MSGN1: variants seen among roughly 807,000 people sequenced by gnomAD.
MSGN1 encodes mesogenin 1.
In MSGN1, 3 loss-of-function variants were observed where a neutral mutation model predicts 10.1. The ratio of observed to expected loss-of-function variants is 0.30; its 90% CI spans 0.13 to 0.76. The LOEUF is 0.76. Ranked by LOEUF, MSGN1 falls within the 30% of genes least tolerant of loss-of-function variation. MSGN1 has a pLI of 0.67. For synonymous variants in MSGN1, 110 were observed against 103.8 expected, an observed-to-expected ratio of 1.06 and a Z score of -0.37; for missense variants, 244 against 244.5, an observed-to-expected ratio of 1.00 and a Z score of 0.01.
Position 17,816,492 on chromosome 2 carries a change from CA to C in MSGN1, c.-26del. On this transcript the variant is annotated 5_prime_UTR_variant, in exon 1 of 1. Transcript: ENST00000281047. Reference sequence around the variant, plus strand: ...TTTTCTTTCTCACTTGCCAGGGAGCCATTCCTTCTGCAGCTGTCTCGCAGGC... The same window carrying C: ...TTTTCTTTCTCACTTGCCAGGGAGCCTTCCTTCTGCAGCTGTCTCGCAGGC... 1 of 1,528,172 alleles carries C rather than the reference CA, an allele frequency of 6.5e-7. No individual in the cohort carries two copies. Among genetic ancestry groups the C allele is most frequent in the Non-Finnish European group, 8.8e-7 (1 of 1,135,618 alleles). 94.7% of individuals were successfully genotyped at this position (1,528,172 alleles called of 1,614,324 possible). A position where few individuals can be genotyped will look rare whatever the true frequency, so the allele number is the denominator to read the frequency against.
At position 17,816,909 on chromosome 2, in the gene MSGN1, G is replaced by C. The variant is rs1673583208; in HGVS notation, c.391G>C (p.Glu131Gln). ...TGTCCAGCGGAGGCGGAAAGCCAGCGAGAGGGAGAAGCTCAGGATGAGGAC... is the reference window on the plus strand; with the variant it reads ...TGTCCAGCGGAGGCGGAAAGCCAGCCAGAGGGAGAAGCTCAGGATGAGGAC... ...MSVQRRRKAS[E>Q]REKLRMRTLA... Residue 131 changes from glutamate to glutamine, a missense_variant, in exon 1 of 1, where the codon GAG becomes CAG. Physicochemically the swap from Glu to Gln is conservative, Grantham distance 29. Coordinates refer to ENST00000281047, the MANE Select transcript of MSGN1 (RefSeq NM_001105569.3). 1 of 1,614,240 alleles carries C rather than the reference G, an allele frequency of 6.2e-7. No homozygotes were observed. Among genetic ancestry groups the C allele is most frequent in the Non-Finnish European group, 8.5e-7 (1 of 1,180,038 alleles).
In MSGN1 at chr2:17,817,663, C is replaced by T. The variant is rs370391020; in HGVS notation, c.*563C>T. Among the ~76,000 whole-genome samples the T allele has an allele frequency of 1.5e-3, 230 of 152,160 alleles. No individual in the cohort carries two copies. Among genetic ancestry groups the T allele is most frequent in the Middle Eastern group, 6.8e-3 (2 of 294 alleles). Reference sequence around the variant, plus strand: ...TGCAGGGACCAAAATCACTTAAATGCGGAAGGCACTGGTGTCATGATAAAT... The same window carrying T: ...TGCAGGGACCAAAATCACTTAAATGTGGAAGGCACTGGTGTCATGATAAAT... On this transcript the variant is annotated 3_prime_UTR_variant, in exon 1 of 1. Coordinates refer to ENST00000281047, the MANE Select transcript of MSGN1 (RefSeq NM_001105569.3).
Position 17,817,016 on chromosome 2 carries a change from G to A in MSGN1, c.498G>A (p.Gln166=). 6.2e-7 allele frequency: 1 copy of A among 1,614,210 alleles called. No homozygotes were observed. The highest frequency in any genetic ancestry group is 8.5e-7 in the Non-Finnish European group (1 of 1,180,042). The change falls in exon 1 of 1, where the codon CAG becomes CAA. Residue 166 remains glutamine, a synonymous_variant. Coordinates refer to ENST00000281047, the MANE Select transcript of MSGN1 (RefSeq NM_001105569.3). ...GAGGCCAGCCTCTCACCAAGATCCA[G>A]ACACTCAAGTACACCATCAAGTACA... ...SQRGQPLTKI[Q]TLKYTIKYIG... is the part of the protein sequence containing the mutation.
Position 17,816,869 on chromosome 2 carries a change from CAA to C in MSGN1, c.353_354del (p.Lys118SerfsTer65). ...GGGPKAQKGT[K>X]VRMSVQRRRK... ...GTGGCCCCAAGGCCCAGAAGGGCAC[CAA>C]AGTCAGGATGTCTGTCCAGCGGAGG... On this transcript the variant is annotated frameshift_variant, in exon 1 of 1. Transcript: ENST00000281047. LOFTEE classifies it high-confidence loss of function. 1 of 1,614,252 alleles carries C rather than the reference CAA, an allele frequency of 6.2e-7. No homozygotes were observed. The highest frequency in any genetic ancestry group is 8.5e-7 in the Non-Finnish European group (1 of 1,180,042).
chr2:17,816,534 G>GT lies in MSGN1; in HGVS notation c.16_17insT (p.Glu6ValfsTer14). The stretch of plus-strand genomic sequence containing the variant: ...TCTCGCAGGCATGGACAACCTGCGC[G>GT]AGACTTTCCTCAGCCTCGAGGATGG... On this transcript the variant is annotated frameshift_variant, in exon 1 of 1. Coordinates refer to ENST00000281047, the MANE Select transcript of MSGN1 (RefSeq NM_001105569.3). LOFTEE classifies it high-confidence loss of function. The GT allele has an allele frequency of 4.4e-6, 7 of 1,590,824 alleles. No homozygotes were observed. Among genetic ancestry groups the GT allele is most frequent in the Admixed American group, 3.5e-5 (2 of 57,186 alleles).
chr2:17,816,842 T>C lies in MSGN1; in HGVS notation c.324T>C (p.Gly108=), dbSNP rs1411473026. ...TCCAGCCCACCCACCTTCAGGGCGG[T>C]GGTGGCCCCAAGGCCCAGAAGGGCA... ...LAFQPTHLQG[G]GGPKAQKGTK... Residue 108 remains glycine (G), a synonymous_variant, in exon 1 of 1, where the codon GGT becomes GGC. Coordinates refer to ENST00000281047, the MANE Select transcript of MSGN1 (RefSeq NM_001105569.3). 6.2e-7 allele frequency: 1 copy of C among 1,614,032 alleles called. No homozygotes were observed. The highest frequency in any genetic ancestry group is 1.3e-5 in the African/African-American group (1 of 74,924).
In MSGN1 at chr2:17,816,539, T is replaced by C; in HGVS notation, c.21T>C (p.Thr7=). Residue 7 remains threonine, a synonymous_variant, in exon 1 of 1, where the codon ACT becomes ACC. Transcript: ENST00000281047. ...CAGGCATGGACAACCTGCGCGAGAC[T>C]TTCCTCAGCCTCGAGGATGGCTTGG... MDNLRE[T]FLSLEDGLGS... 7 of 1,593,468 alleles carry C rather than the reference T, an allele frequency of 4.4e-6. No individual in the cohort carries two copies. The highest frequency in any genetic ancestry group is 6.0e-6 in the Non-Finnish European group (7 of 1,165,920).
chr2:17,816,695 T>C lies in MSGN1; in HGVS notation c.177T>C (p.Ser59=). The C allele has an allele frequency of 6.2e-7, 1 of 1,614,188 alleles. No individual in the cohort carries two copies. Among genetic ancestry groups the C allele is most frequent in the Non-Finnish European group, 8.5e-7 (1 of 1,180,030 alleles). ...CATCGCTGGAATCCTATTCTTCTTC[T>C]CCCTGTCCAGCTGTGGCTGGGCTGC... is the stretch of plus-strand genomic sequence containing the variant. ...PAPSLESYSS[S]PCPAVAGLPC... is the part of the protein sequence containing the mutation. The change falls in exon 1 of 1, where the codon TCT becomes TCC. Residue 59 remains serine (S), a synonymous_variant. Transcript: ENST00000281047.
rs1673589648 is a variant in MSGN1, at chr2:17,817,192, G to A, written c.*92G>A. Reference sequence around the variant, plus strand: ...GATATCTTATTGAACAATGATCGGCGTAGAGTGATTTTTATGTAGTAAGCC... The same window carrying A: ...GATATCTTATTGAACAATGATCGGCATAGAGTGATTTTTATGTAGTAAGCC... On this transcript the variant is annotated 3_prime_UTR_variant, in exon 1 of 1. Coordinates refer to ENST00000281047, the MANE Select transcript of MSGN1 (RefSeq NM_001105569.3). The A allele has an allele frequency of 6.6e-6, 7 of 1,064,382 alleles. No individual in the cohort carries two copies. Among genetic ancestry groups the A allele is most frequent in the African/African-American group, 1.6e-5 (1 of 63,020 alleles). 65.9% of individuals were successfully genotyped at this position (1,064,382 alleles called of 1,614,324 possible).
rs776876631 is a variant in MSGN1, at chr2:17,816,765, A to G, written c.247A>G (p.Ser83Gly). The G allele has an allele frequency of 4.3e-6, 7 of 1,614,060 alleles. No homozygotes were observed. In the Admixed American group the frequency reaches 1.2e-4, roughly 27 times the overall value. ...CAGCAGTGGGGGCAGCGAAGGCTGC[A>G]GTGTCGGTGGGGCCAGTGGCCTGGT... ...GASSGGSEGC[S>G]VGGASGLVEV... Residue 83 changes from serine (S) to glycine (G), a missense_variant, in exon 1 of 1, where the codon AGT (serine) becomes GGT (glycine). By Grantham distance (56) the Ser-to-Gly change is moderately conservative. Transcript: ENST00000281047.
rs1353870497 is a variant in MSGN1, at chr2:17,816,806, T to C, written c.288T>C (p.Asn96=). 1.2e-6 allele frequency: 2 copies of C among 1,614,062 alleles called. No homozygotes were observed. The highest frequency in any genetic ancestry group is 1.7e-6 in the Non-Finnish European group (2 of 1,179,958). Residue 96 remains asparagine, a synonymous_variant, in exon 1 of 1, where the codon AAT becomes AAC. Coordinates refer to ENST00000281047, the MANE Select transcript of MSGN1 (RefSeq NM_001105569.3). ...GASGLVEVDY[N]MLAFQPTHLQ... is the part of the protein sequence containing the mutation. ...GTGGCCTGGTAGAGGTGGACTACAA[T>C]ATGTTAGCTTTCCAGCCCACCCACC...
Position 17,816,978 on chromosome 2 carries a change from G to A in MSGN1, c.460G>A (p.Val154Ile), listed in dbSNP as rs989047719. The A allele has an allele frequency of 6.2e-6, 10 of 1,614,086 alleles. No homozygotes were observed. In the Admixed American group the frequency reaches 1.2e-4, roughly 19 times the overall value. The change falls in exon 1 of 1, where the codon GTC becomes ATC. Residue 154 changes from valine (V) to isoleucine (I), a missense_variant. Val to Ile is a conservative substitution (Grantham distance 29, BLOSUM62 3). Transcript: ENST00000281047. ...CACCCTCCGGAATTACCTGCCACCT[G>A]TCTACAGCCAGAGAGGCCAGCCTCT... ...LHTLRNYLPPVYSQRGQPLTK... is the reference protein window; with the variant it reads ...LHTLRNYLPPIYSQRGQPLTK...
rs1441530996 is a variant in MSGN1 at position 17,816,935 on chromosome 2, C to T, written c.417C>T (p.Thr139=). The T allele has an allele frequency of 3.7e-6, 6 of 1,614,240 alleles. No individual in the cohort carries two copies. The highest frequency in any genetic ancestry group is 1.7e-5 in the Admixed American group (1 of 60,028). ...AGAGGGAGAAGCTCAGGATGAGGAC[C>T]TTGGCAGATGCCCTGCACACCCTCC... The part of the protein sequence containing the change: ...ASEREKLRMR[T]LADALHTLRN... The change falls in exon 1 of 1, where the codon ACC becomes ACT. Residue 139 remains threonine (T), a synonymous_variant. Transcript: ENST00000281047.
chr2:17,817,245 A>T lies in MSGN1; in HGVS notation c.*145A>T. On this transcript the variant is annotated 3_prime_UTR_variant, in exon 1 of 1. Coordinates refer to ENST00000281047, the MANE Select transcript of MSGN1 (RefSeq NM_001105569.3). ...ATAATCTTGTGATCTGAAAAACCCT[A>T]AGGGAATTCACATGTAACCTGTTGG... The T allele has an allele frequency of 1.3e-6, 1 of 751,914 alleles. No individual in the cohort carries two copies. The highest frequency in any genetic ancestry group is 2.1e-6 in the Non-Finnish European group (1 of 465,314). The allele number at this position is 751,914 out of a possible 1,614,324, so 46.6% of individuals were successfully genotyped here.
chr2:17,816,749 G>A lies in MSGN1; in HGVS notation c.231G>A (p.Gly77=). 1 of 1,613,892 alleles carries A rather than the reference G, an allele frequency of 6.2e-7. No homozygotes were observed. The highest frequency in any genetic ancestry group is 8.5e-7 in the Non-Finnish European group (1 of 1,179,840). ...GTGAGCACGGCGGGGCCAGCAGTGG[G>A]GGCAGCGAAGGCTGCAGTGTCGGTG... is the stretch of plus-strand genomic sequence containing the variant. ...LPCEHGGASS[G]GSEGCSVGGA... is the part of the protein sequence containing the mutation. The change falls in exon 1 of 1, where the codon GGG becomes GGA. Residue 77 remains glycine, a synonymous_variant. Transcript: ENST00000281047.
In MSGN1 at chr2:17,816,471, C is replaced by A. The variant is rs751977890; in HGVS notation, c.-48C>A. ...TTCCCTGGCCAGGCGGCAGAATTTTCTTTCTCACTTGCCAGGGAGCCATTC... is the reference window on the plus strand; with the variant it reads ...TTCCCTGGCCAGGCGGCAGAATTTTATTTCTCACTTGCCAGGGAGCCATTC... On this transcript the variant is annotated 5_prime_UTR_variant, in exon 1 of 1. Coordinates refer to ENST00000281047, the MANE Select transcript of MSGN1 (RefSeq NM_001105569.3). 3 of 1,480,728 alleles carry A rather than the reference C, an allele frequency of 2.0e-6. No individual in the cohort carries two copies. Among genetic ancestry groups the A allele is most frequent in the Non-Finnish European group, 2.7e-6 (3 of 1,105,116 alleles). 91.7% of individuals were successfully genotyped at this position (1,480,728 alleles called of 1,614,324 possible).
chr2:17,816,484 C>T lies in MSGN1; in HGVS notation c.-35C>T. 1.3e-6 allele frequency: 2 copies of T among 1,511,910 alleles called. No homozygotes were observed. The highest frequency in any genetic ancestry group is 1.3e-5 in the South Asian group (1 of 76,188). The allele number at this position is 1,511,910 out of a possible 1,614,324, so 93.7% of individuals were successfully genotyped here. On this transcript the variant is annotated 5_prime_UTR_variant, in exon 1 of 1. Transcript: ENST00000281047. Reference sequence around the variant, plus strand: ...CGGCAGAATTTTCTTTCTCACTTGCCAGGGAGCCATTCCTTCTGCAGCTGT... The same window carrying T: ...CGGCAGAATTTTCTTTCTCACTTGCTAGGGAGCCATTCCTTCTGCAGCTGT...
Position 17,816,737 on chromosome 2 carries a change from G to C in MSGN1, c.219G>C (p.Gly73=). 6.2e-7 allele frequency: 1 copy of C among 1,614,014 alleles called. No individual in the cohort carries two copies. The highest frequency in any genetic ancestry group is 8.5e-7 in the Non-Finnish European group (1 of 1,179,916). ...AVAGLPCEHG[G]ASSGGSEGCS... is the part of the protein sequence containing the mutation. Reference sequence around the variant, plus strand: ...CTGGGCTGCCCTGTGAGCACGGCGGGGCCAGCAGTGGGGGCAGCGAAGGCT... The same window carrying C: ...CTGGGCTGCCCTGTGAGCACGGCGGCGCCAGCAGTGGGGGCAGCGAAGGCT... Residue 73 remains glycine, a synonymous_variant, in exon 1 of 1, where the codon GGG becomes GGC. Transcript: ENST00000281047.
Position 17,816,667 on chromosome 2 carries a change from C to G in MSGN1, c.149C>G (p.Ala50Gly), listed in dbSNP as rs1425082024. The G allele has an allele frequency of 1.9e-6, 3 of 1,614,284 alleles. No individual in the cohort carries two copies. The highest frequency in any genetic ancestry group is 2.5e-6 in the Non-Finnish European group (3 of 1,180,052). The change falls in exon 1 of 1, where the codon GCT becomes GGT. Residue 50 changes from alanine to glycine, a missense_variant. Ala to Gly is a moderately conservative substitution (Grantham distance 60). Coordinates refer to ENST00000281047, the MANE Select transcript of MSGN1 (RefSeq NM_001105569.3). ...QASPSQSLSP[A>G]PSLESYSSSP... ...TCCCCCTCTCAGAGCCTTTCCCCGG[C>G]TCCATCGCTGGAATCCTATTCTTCT...
Sources: gnomAD v4.1 joint callset for allele counts (sites outside exome capture counted in the v4.1 genomes callset) on GRCh38, gnomAD v4.1.1 for gene constraint, MANE v1.5 for transcripts, NCBI Gene and HGNC (gene_info 2026-07-23, HGNC 2026-07-21) for gene names.